The following DECR1 variants were observed in gnomAD, a reference collection of about 807,000 sequenced individuals.
DECR1 encodes the protein 2,4-dienoyl-CoA reductase 1.
Under a neutral mutation model 38.8 loss-of-function variants are expected in DECR1, and 44 were observed. The ratio of observed to expected loss-of-function variants is 1.13; its 90% confidence interval spans 0.89 to 1.46. The LOEUF (loss-of-function observed/expected upper bound fraction) is 1.46, where lower values mean the gene tolerates loss of function less well. DECR1 is among the 40% of genes most tolerant of loss of function. DECR1 has a pLI of 0.00. For missense variants in DECR1, 428 were observed against 405.5 expected, an observed-to-expected ratio of 1.06 and a Z score of -0.48; for synonymous variants, 148 against 135.2, an observed-to-expected ratio of 1.09 and a Z score of -0.66.
In DECR1 at chr8:90,053,333, G is replaced by A. The variant is rs977222479; in HGVS notation, c.*1436G>A. Among the ~76,000 whole-genome samples the A allele has an allele frequency of 9.2e-5, 14 of 152,216 alleles. No homozygotes were observed. Among genetic ancestry groups the A allele is most frequent in the Non-Finnish European group, 2.1e-4 (14 of 68,034 alleles). ...GAAGGTGAGTGAGGAGCAAAGTCAT[G>A]TCTTACGTGGTGGCACCCAAGAGAG... On this transcript the variant is annotated 3_prime_UTR_variant, in exon 10 of 10. Transcript: ENST00000220764.
chr8:90,042,680 C>T, intron 6 of DECR1, 48 bp from the exon 7 acceptor site: 2 of 1,501,792 alleles, frequency 1.3e-6, no homozygotes. Context: ...CTGTCTTTAA[C>T]ATATGGTATA....
chr8:90,046,750 T>C (rs1470645573), intron 8 of DECR1, among the ~76,000 whole-genome samples: 1 of 151,936 alleles, frequency 6.6e-6, no homozygotes, highest in Non-Finnish European at 1.5e-5. Context: ...TTGACTAAAG[T>C]TGAAATGAGG....
intron 1 of DECR1, among the ~76,000 whole-genome samples, chr8:90,004,974 A>G (rs1338698846): frequency 2.0e-5 from 3 of 152,230 alleles, no homozygotes; most frequent in Non-Finnish European, 4.4e-5. Flanking sequence ...TATAATGCAT[A>G]TATGACCCAA....
chr8:90,017,821 G>A (rs1253522626), intron 2 of DECR1, among the ~76,000 whole-genome samples: 3 of 152,128 alleles, frequency 2.0e-5, no homozygotes. Flanking sequence ...GAGTGATTAT[G>A]GTTACTGCTT....
In DECR1 at chr8:90,044,913, G is replaced by A. The variant is rs767362254; in HGVS notation, c.803G>A (p.Cys268Tyr). 6.2e-7 allele frequency: 1 copy of A among 1,613,436 alleles called. No individual in the cohort carries two copies. Among genetic ancestry groups the A allele is most frequent in the South Asian group, 1.1e-5 (1 of 90,986 alleles). ...AAAGAAATGATTGGCAGAATTCCCT[G>A]TGGTCGCCTGGGGACTGTAGAAGAA... ...FEKEMIGRIP[C>Y]GRLGTVEELA... Residue 268 changes from cysteine to tyrosine, a missense_variant, in exon 8 of 10, where the codon TGT becomes TAT. Physicochemically the swap from Cys to Tyr is radical, Grantham distance 194. Transcript: ENST00000220764.
intron 1 of DECR1, chr8:90,006,012 T>C: frequency 1.7e-6 from 1 of 595,354 alleles, no homozygotes; most frequent in Admixed American, 2.9e-5. Flanking sequence ...ACTAATAGAG[T>C]GCAAACTCAC....
chr8:90,031,418 A>G (rs1813489825), intron 5 of DECR1, among the ~76,000 whole-genome samples: 1 of 152,200 alleles, frequency 6.6e-6, no homozygotes, highest in African/African-American at 2.4e-5. Context: ...AAAATTAGTT[A>G]GAAAAACCAG....
chr8:90,012,218 T>A (rs1812903506), intron 1 of DECR1, among the ~76,000 whole-genome samples: 1 of 151,702 alleles, frequency 6.6e-6, no homozygotes, highest in Non-Finnish European at 1.5e-5. Flanking sequence ...GGTGGCACGA[T>A]CTTGGCTCAC....
At chr8:90,005,099 G>A (rs1240358635) in intron 1 of DECR1, among the ~76,000 whole-genome samples, 3 of 152,274 alleles carry the variant, frequency 2.0e-5, no homozygotes, top group Non-Finnish European at 2.9e-5. Flanking sequence ...TAGACCTAAG[G>A]AATAGCATGT....
chr8:90,043,035 TG>T (rs1350320617), intron 7 of DECR1, among the ~76,000 whole-genome samples: 1 of 152,184 alleles, frequency 6.6e-6, no homozygotes, highest in African/African-American at 2.4e-5. Context: ...CTTAATCGTT[TG>T]GGATCTTTTA....
chr8:90,040,016 G>A (rs533040918), intron 6 of DECR1, among the ~76,000 whole-genome samples: 30 of 152,276 alleles, frequency 2.0e-4, no homozygotes, highest in African/African-American at 6.7e-4. Context: ...TAGTTCTTCA[G>A]TATATCAGCT....
chr8:90,016,918 C>G, intron 1 of DECR1: 1 of 464,004 alleles, frequency 2.2e-6, no homozygotes, highest in African/African-American at 2.0e-5. Flanking sequence ...GGAGAAAATT[C>G]TGTGCTATGT....
At chr8:90,005,659 G>A (rs1360652293) in intron 1 of DECR1, 1 of 357,924 alleles carries the variant, frequency 2.8e-6, no homozygotes, top group African/African-American at 2.1e-5. Flanking sequence ...AAATTTACCA[G>A]TCATATCAAC....
At chr8:90,014,796 ATTAC>A (rs1164809806) in intron 1 of DECR1, among the ~76,000 whole-genome samples, 1 of 152,154 alleles carries the variant, frequency 6.6e-6, no homozygotes, top group East Asian at 1.9e-4. Context: ...TTTCATTATT[ATTAC>A]TTAATGACAA....
rs530668225 is a variant in DECR1, at chr8:90,052,161, A to G, written c.*264A>G. 5.1e-6 allele frequency: 2 copies of G among 392,734 alleles called. No homozygotes were observed. The highest frequency in any genetic ancestry group is 8.9e-5 in the East Asian group (2 of 22,364). 24.3% of individuals were successfully genotyped at this position (392,734 alleles called of 1,614,324 possible). On this transcript the variant is annotated 3_prime_UTR_variant, in exon 10 of 10. Transcript: ENST00000220764. Reference sequence around the variant, plus strand: ...TCTTTACCTATTGATAGAGGTAAAAAGTACTTAGAAGTGCAGAGAGAACAG... The same window carrying G: ...TCTTTACCTATTGATAGAGGTAAAAGGTACTTAGAAGTGCAGAGAGAACAG...
chr8:90,043,099 C>G (rs538261211), intron 7 of DECR1, among the ~76,000 whole-genome samples: 16 of 152,058 alleles, frequency 1.1e-4, no homozygotes, highest in Admixed American at 7.9e-4. Context: ...TGTTATTGTC[C>G]TGTATTTGTT....
chr8:90,012,189 G>T (rs1248701253), intron 1 of DECR1, among the ~76,000 whole-genome samples: 12 of 147,270 alleles, frequency 8.1e-5, no homozygotes, highest in African/African-American at 3.0e-4. Flanking sequence ...GTCTTGTTCC[G>T]TTGCCCAGGC....
intron 1 of DECR1, chr8:90,006,202 G>T (rs1429922714): frequency 1.4e-6 from 1 of 704,068 alleles, no homozygotes; most frequent in South Asian, 1.5e-5. Context: ...AAGAAGCCTG[G>T]AGTTGTACTA....
At chr8:90,035,273 T>G (rs1480948053) in intron 5 of DECR1, among the ~76,000 whole-genome samples, 1 of 152,188 alleles carries the variant, frequency 6.6e-6, no homozygotes, top group African/African-American at 2.4e-5. Context: ...TTCGGAATTT[T>G]TTTAGTCCTT....
Sources: gnomAD v4.1 joint callset for allele counts (sites outside exome capture counted in the v4.1 genomes callset) on GRCh38, gnomAD v4.1.1 for gene constraint, MANE v1.5 for transcripts, NCBI Gene and HGNC (gene_info 2026-07-23, HGNC 2026-07-21) for gene names.